The following DPY19L2 variants were observed in gnomAD, a reference collection of about 807,000 sequenced individuals.
The protein encoded by DPY19L2 is dpy-19 like 2, also known as probable C-mannosyltransferase DPY19L2.
Under a neutral mutation model 97.9 loss-of-function variants are expected in DPY19L2, and 34 were observed. That is an observed-to-expected ratio of 0.35 (90% CI 0.26 to 0.46). The LOEUF is 0.46. DPY19L2 is among the 20% of genes least tolerant of loss of function. The pLI, the probability that DPY19L2 is intolerant of heterozygous loss-of-function variation, is 1.00. For missense variants in DPY19L2, 623 were observed against 911.4 expected (o/e 0.68, Z 4.07); for synonymous variants, 230 against 307.9 (o/e 0.75, Z 2.65).
At chr12:63,618,756 A>C (rs543391896) in intron 9 of DPY19L2, among the ~76,000 whole-genome samples, 2 of 152,284 alleles carry the variant, frequency 1.3e-5, no homozygotes, top group South Asian at 4.1e-4. Context: ...AAGGTGGTTC[A>C]AGATTTATCA....
Position 63,625,951 on chromosome 12 carries a change from A to G in DPY19L2, c.861+518T>C, listed in dbSNP as rs1054088868. On this transcript the variant is annotated intron_variant, in intron 7 of 21. Coordinates refer to ENST00000324472, the MANE Select transcript of DPY19L2 (RefSeq NM_173812.5). ...AATATATATGTTATATATATATAAT[A>G]TATAAGTTTTTATAAAATATAACTA... is the stretch of plus-strand genomic sequence containing the variant. Among the ~76,000 whole-genome samples the G allele has an allele frequency of 3.9e-4, 57 of 147,792 alleles. 1 individual carries two copies. The highest frequency in any genetic ancestry group is 9.0e-5 in the Non-Finnish European group (6 of 67,018).
chr12:63,639,708 C>A (rs1031518932), intron 6 of DPY19L2, among the ~76,000 whole-genome samples: 87 of 152,190 alleles, frequency 5.7e-4, no homozygotes, highest in Middle Eastern at 3.4e-3. Context: ...ACAACAGGTG[C>A]CGGAGAGGAT....
chr12:63,563,729 T>G (rs886108380), intron 21 of DPY19L2, among the ~76,000 whole-genome samples: 3 of 152,144 alleles, frequency 2.0e-5, no homozygotes, highest in Admixed American at 2.0e-4. Flanking sequence ...TTCCTTTTAT[T>G]GTAATGTTTC....
intron 6 of DPY19L2, among the ~76,000 whole-genome samples, chr12:63,634,638 C>T (rs147893295): frequency 0.018 from 2,700 of 151,978 alleles, 73 homozygotes; most frequent in African/African-American, 0.061. Context: ...GATTACATCC[C>T]GCACATGGCT....
chr12:63,561,469 T>C (rs971136243), intron 21 of DPY19L2, among the ~76,000 whole-genome samples: 2 of 152,194 alleles, frequency 1.3e-5, no homozygotes, highest in African/African-American at 4.8e-5. Context: ...TACTGTGCTT[T>C]CTGCACTATA....
At chr12:63,609,112 ACTT>A (rs770782149) in intron 11 of DPY19L2, among the ~76,000 whole-genome samples, 30 of 152,150 alleles carry the variant, frequency 2.0e-4, no homozygotes, top group Admixed American at 1.4e-3. Flanking sequence ...AAGAGAAAGA[ACTT>A]CTCCGATGCT....
chr12:63,587,707 C>T (rs1882045106), intron 16 of DPY19L2, among the ~76,000 whole-genome samples: 2 of 151,668 alleles, frequency 1.3e-5, no homozygotes, highest in African/African-American at 2.4e-5. Context: ...CGAGTAGCTG[C>T]GATTACAGGT....
At chr12:63,563,600 G>T (rs1433326917) in intron 21 of DPY19L2, among the ~76,000 whole-genome samples, 4 of 152,074 alleles carry the variant, frequency 2.6e-5, no homozygotes, top group Non-Finnish European at 5.9e-5. Flanking sequence ...TTGCATTCCT[G>T]GGATAAACTC....
intron 4 of DPY19L2, among the ~76,000 whole-genome samples, chr12:63,652,914 A>G (rs115083623): frequency 0.017 from 2,614 of 152,272 alleles, 81 homozygotes; most frequent in African/African-American, 0.06. Context: ...CATGTATCCC[A>G]TGAACGTAAA....
rs191569851 is a variant in DPY19L2, at chr12:63,607,834, T to C, written c.1278+782A>G. Among the ~76,000 whole-genome samples the C allele has an allele frequency of 9.9e-3, 1,503 of 151,838 alleles. 13 individuals carry two copies. Among genetic ancestry groups the C allele is most frequent in the African/African-American group, 0.034 (1,419 of 41,340 alleles). ...TTTTTGTAGAGATGGGGTTTTGCCG[T>C]GTTGCCCAGGCTGGTCTCAAACTCC... On this transcript the variant is annotated intron_variant, in intron 12 of 21. Coordinates refer to ENST00000324472, the MANE Select transcript of DPY19L2 (RefSeq NM_173812.5).
chr12:63,572,028 A>G (rs1444952433), intron 19 of DPY19L2, among the ~76,000 whole-genome samples: 4 of 147,372 alleles, frequency 2.7e-5, no homozygotes, highest in African/African-American at 1.0e-4. Flanking sequence ...AAATGTGATA[A>G]TGATCTACAC....
intron 7 of DPY19L2, among the ~76,000 whole-genome samples, chr12:63,624,609 G>C (rs7301605): frequency 0.71 from 108,212 of 152,060 alleles, 39,418 homozygotes; most frequent in African/African-American, 0.87. Context: ...CGAATAGCTA[G>C]GATTGCCTCA....
chr12:63,583,505 C>T (rs567815316), intron 17 of DPY19L2, among the ~76,000 whole-genome samples: 2 of 152,204 alleles, frequency 1.3e-5, no homozygotes, highest in African/African-American at 2.4e-5. Flanking sequence ...GCCAAGGGTG[C>T]CTGCCCTAAT....
chr12:63,648,591 C>A (rs548942549), intron 4 of DPY19L2, among the ~76,000 whole-genome samples: 24 of 152,110 alleles, frequency 1.6e-4, no homozygotes, highest in African/African-American at 5.3e-4. Context: ...CCATGCCTGG[C>A]TAATTTTTAT....
At chr12:63,612,699 G>A (rs1270638996) in intron 11 of DPY19L2, among the ~76,000 whole-genome samples, 3 of 148,906 alleles carry the variant, frequency 2.0e-5, no homozygotes, top group Admixed American at 2.0e-4. Flanking sequence ...CAATGAAACA[G>A]AAAACAAAAG....
At chr12:63,564,771 T>C (rs1877318788) in intron 21 of DPY19L2, among the ~76,000 whole-genome samples, 1 of 152,188 alleles carries the variant, frequency 6.6e-6, no homozygotes, top group Non-Finnish European at 1.5e-5. Flanking sequence ...AAGTCTTCCA[T>C]ATTCTTGCCA....
At chr12:63,632,961 G>A (rs548720355) in intron 6 of DPY19L2, among the ~76,000 whole-genome samples, 37 of 152,168 alleles carry the variant, frequency 2.4e-4, no homozygotes, top group African/African-American at 8.7e-4. Context: ...ACAAGCAATG[G>A]GGAAACGATT....
chr12:63,581,248 T>G (rs1880835263), intron 18 of DPY19L2, among the ~76,000 whole-genome samples: 1 of 152,096 alleles, frequency 6.6e-6, no homozygotes, highest in Non-Finnish European at 1.5e-5. Flanking sequence ...CATTATGATA[T>G]TTTAAGGCTA....
chr12:63,628,929 A>G (rs1890084300), intron 6 of DPY19L2, among the ~76,000 whole-genome samples: 1 of 151,712 alleles, frequency 6.6e-6, no homozygotes, highest in South Asian at 2.1e-4. Flanking sequence ...GCTCTGCAGC[A>G]TCCACTGCTG....
Sources: gnomAD v4.1 joint callset for allele counts (sites outside exome capture counted in the v4.1 genomes callset) on GRCh38, gnomAD v4.1.1 for gene constraint, MANE v1.5 for transcripts, NCBI Gene and HGNC (gene_info 2026-07-23, HGNC 2026-07-21) for gene names.